ANKRD17: variants seen among roughly 807,000 people sequenced by gnomAD.
The protein encoded by ANKRD17 is ankyrin repeat domain-containing protein 17.
Under a neutral mutation model 229.7 loss-of-function variants are expected in ANKRD17, and 19 were observed. The observed-to-expected ratio is 0.08, with a 90% CI of 0.06 to 0.12. The LOEUF is 0.12. ANKRD17 is among the 10% of genes least tolerant of loss of function. The pLI, the probability that ANKRD17 is intolerant of heterozygous loss-of-function variation, is 1.00. For synonymous variants in ANKRD17, 1,112 were observed against 1,146.1 expected (o/e 0.97, Z 0.60); for missense variants, 2,176 against 3,176.8 (o/e 0.68, Z 7.57).
Position 73,179,522 on chromosome 4 carries a change from T to A in ANKRD17, c.394-1989A>T, listed in dbSNP as rs866130442. 7.3e-3 allele frequency among the ~76,000 whole-genome samples: 786 copies of A among 107,962 alleles called. 6 individuals carry two copies. Among genetic ancestry groups the A allele is most frequent in the African/African-American group, 0.025 (616 of 24,830 alleles). The allele number at this position is 107,962 out of a possible 152,430, so 70.8% of individuals were successfully genotyped here. A position where few individuals can be genotyped will look rare whatever the true frequency, so the allele number is the denominator to read the frequency against. On this transcript the variant is annotated intron_variant, in intron 1 of 33. Transcript: ENST00000358602. ...TATATATATATATATATATATATTT[T>A]TTTTTTTTTTTTTAAAGAGACATGG... is the stretch of plus-strand genomic sequence containing the variant.
At chr4:73,247,230 TTTTG>T (rs1460134210) in intron 1 of ANKRD17, among the ~76,000 whole-genome samples, 1 of 152,094 alleles carries the variant, frequency 6.6e-6, no homozygotes, top group East Asian at 1.9e-4. Context: ...AAACACCATT[TTTTG>T]TTTAACAGAT....
At chr4:73,134,553 C>T (rs1728642222) in intron 16 of ANKRD17, among the ~76,000 whole-genome samples, 1 of 152,126 alleles carries the variant, frequency 6.6e-6, no homozygotes, top group Non-Finnish European at 1.5e-5. Flanking sequence ...AGCTCTCAAA[C>T]TTTCTAAAGC....
intron 1 of ANKRD17, among the ~76,000 whole-genome samples, chr4:73,234,602 C>A (rs916021260): frequency 2.6e-5 from 4 of 152,180 alleles, no homozygotes; most frequent in African/African-American, 7.2e-5. Flanking sequence ...AGGTAGGGCA[C>A]GCGTATACGC....
At chr4:73,159,862 T>C (rs1296496825) in intron 3 of ANKRD17, among the ~76,000 whole-genome samples, 1 of 152,128 alleles carries the variant, frequency 6.6e-6, no homozygotes, top group Non-Finnish European at 1.5e-5. Flanking sequence ...TAAAGCAAGT[T>C]AATACAAACA....
In ANKRD17 at chr4:73,125,020, C is replaced by T; in HGVS notation, c.3385G>A (p.Val1129Ile). The T allele has an allele frequency of 6.2e-7, 1 of 1,614,194 alleles. No homozygotes were observed. Among genetic ancestry groups the T allele is most frequent in the Non-Finnish European group, 8.5e-7 (1 of 1,180,038 alleles). Reference protein sequence around the residue: ...PLILAATAGHVGVVEILLDNG... With the variant: ...PLILAATAGHIGVVEILLDNG... ...TCCAGCAATATTTCCACAACACCAA[C>T]ATGACCAGCTGTGGCAGCCAAGATG... The change falls in exon 18 of 34, where the codon GTT (valine) becomes ATT (isoleucine). Residue 1129 changes from valine (V) to isoleucine (I), a missense_variant. Val to Ile is a conservative substitution (Grantham distance 29). Transcript: ENST00000358602.
At chr4:73,162,935 C>G (rs948883529) in intron 2 of ANKRD17, among the ~76,000 whole-genome samples, 1 of 151,994 alleles carries the variant, frequency 6.6e-6, no homozygotes, top group Admixed American at 6.6e-5. Flanking sequence ...TCATGGTTCA[C>G]TGCAGCCTCG....
At chr4:73,174,836 A>T (rs1734519491) in intron 2 of ANKRD17, among the ~76,000 whole-genome samples, 1 of 152,218 alleles carries the variant, frequency 6.6e-6, no homozygotes, top group Admixed American at 6.5e-5. Flanking sequence ...CTACAAATAA[A>T]ATAAAATACC....
At chr4:73,089,378 G>A (rs1242811853) in intron 29 of ANKRD17, among the ~76,000 whole-genome samples, 1 of 152,012 alleles carries the variant, frequency 6.6e-6, no homozygotes, top group Non-Finnish European at 1.5e-5. Context: ...TTTAAGAAAT[G>A]TAAAAACAGG....
intron 1 of ANKRD17, among the ~76,000 whole-genome samples, chr4:73,228,050 GA>G (rs1421538422): frequency 2.0e-5 from 3 of 151,492 alleles, no homozygotes; most frequent in Non-Finnish European, 4.4e-5. Flanking sequence ...TAAACTACTA[GA>G]AAAAAAACTA....
Position 73,091,912 on chromosome 4 carries a change from G to C in ANKRD17, c.5716C>G (p.Pro1906Ala). ...AAQTFQQIRP[P>A]RLPMTHFGGT... is the part of the protein sequence containing the mutation. ...CCAAAGTGGGTCATGGGCAACCTTG[G>C]TGGACGGATCTGCTGGAAAGTCTGA... The change falls in exon 29 of 34, where the codon CCA becomes GCA. Residue 1906 changes from proline (P) to alanine (A), a missense_variant. By Grantham distance (27) the Pro-to-Ala change is conservative. Transcript: ENST00000358602. 8 of 1,614,200 alleles carry C rather than the reference G, an allele frequency of 5.0e-6. No individual in the cohort carries two copies. The highest frequency in any genetic ancestry group is 6.8e-6 in the Non-Finnish European group (8 of 1,180,038).
chr4:73,216,073 C>T lies in ANKRD17; in HGVS notation c.394-38540G>A, dbSNP rs77693439. Among the ~76,000 whole-genome samples the T allele has an allele frequency of 1.9e-3, 287 of 152,162 alleles. 1 individual carries two copies. The highest frequency in any genetic ancestry group is 6.6e-3 in the African/African-American group (275 of 41,500). ...CCTGGGCAACGTAATGAGACCTCAA[C>T]TCTAAAATAAAAGTTAAATTAAATT... On this transcript the variant is annotated intron_variant, in intron 1 of 33. Coordinates refer to ENST00000358602, the MANE Select transcript of ANKRD17 (RefSeq NM_032217.5).
intron 1 of ANKRD17, among the ~76,000 whole-genome samples, chr4:73,220,578 T>C (rs909463337): frequency 1.3e-5 from 2 of 152,126 alleles, no homozygotes; most frequent in African/African-American, 4.8e-5. Context: ...AGGTAAGCCA[T>C]AGTATTATGA....
chr4:73,128,343 G>A (rs1213685764), intron 16 of ANKRD17, among the ~76,000 whole-genome samples: 2 of 152,158 alleles, frequency 1.3e-5, no homozygotes, highest in African/African-American at 4.8e-5. Flanking sequence ...TGTGTCTTAT[G>A]TCCACTCTAC....
intron 6 of ANKRD17, among the ~76,000 whole-genome samples, chr4:73,151,827 TG>T (rs996310572): frequency 2.0e-5 from 3 of 152,150 alleles, no homozygotes; most frequent in African/African-American, 7.2e-5. Flanking sequence ...AGCCCAGGCA[TG>T]TTATATAGTT....
At position 73,086,919 on chromosome 4, in the gene ANKRD17, AATATATATATATATATAT is replaced by A. The variant is rs61024099; in HGVS notation, c.6962-1491_6962-1474del. 2.2e-3 allele frequency among the ~76,000 whole-genome samples: 28 copies of A among 12,464 alleles called. 2 individuals are homozygous for A. Among genetic ancestry groups the A allele is most frequent in the East Asian group, 6.9e-3 (4 of 582 alleles). 8.2% of individuals were successfully genotyped at this position (12,464 alleles called of 152,430 possible). A position where few individuals can be genotyped will look rare whatever the true frequency, so the allele number is the denominator to read the frequency against. On this transcript the variant is annotated intron_variant, in intron 29 of 33. Transcript: ENST00000358602. The stretch of plus-strand genomic sequence containing the variant: ...TCTCAAAAAAAAAAAAAAAAAAAAA[AATATATATATATATATAT>A]ATATATATATATATATCTGTAGGAT...
At chr4:73,195,078 T>C (rs967931565) in intron 1 of ANKRD17, among the ~76,000 whole-genome samples, 2 of 152,178 alleles carry the variant, frequency 1.3e-5, no homozygotes, top group Non-Finnish European at 2.9e-5. Context: ...TTGTTATCAG[T>C]GGATGATGAA....
In ANKRD17 at chr4:73,078,346, C is replaced by T. The variant is rs144971109; in HGVS notation, c.7408+296G>A. On this transcript the variant is annotated intron_variant, in intron 31 of 33. Transcript: ENST00000358602. ...GAGCAGAGATTGTGCCGCTGCAGTC[C>T]GGCCTGGGTTACAGAGCGAGACTCC... Among the ~76,000 whole-genome samples, 671 of 151,622 alleles carry T rather than the reference C, an allele frequency of 4.4e-3. 1 individual carries two copies. The highest frequency in any genetic ancestry group is 6.9e-3 in the Non-Finnish European group (471 of 67,912).
At position 73,099,162 on chromosome 4, in the gene ANKRD17, T is replaced by G. The variant is rs1366443256; in HGVS notation, c.4574-642A>C. The G allele has an allele frequency of 4.7e-5, 32 of 676,252 alleles. No individual in the cohort carries two copies. In the Middle Eastern group the frequency reaches 1.2e-3, roughly 25 times the overall value. The allele number at this position is 676,252 out of a possible 1,614,324, so 41.9% of individuals were successfully genotyped here. Reference sequence around the variant, plus strand: ...GAGCAGTGACCGTGTGTGCTGCCTGTGCCTCACTGAAGGAGCAGCTTCCTT... The same window carrying G: ...GAGCAGTGACCGTGTGTGCTGCCTGGGCCTCACTGAAGGAGCAGCTTCCTT... On this transcript the variant is annotated intron_variant, in intron 25 of 33. Coordinates refer to ENST00000358602, the MANE Select transcript of ANKRD17 (RefSeq NM_032217.5).
chr4:73,167,748 G>A (rs1428060392), intron 2 of ANKRD17, among the ~76,000 whole-genome samples: 2 of 152,156 alleles, frequency 1.3e-5, no homozygotes, highest in Non-Finnish European at 1.5e-5. Flanking sequence ...AGACAGGACC[G>A]TGCACATGCC....
Sources: gnomAD v4.1 joint callset for allele counts (sites outside exome capture counted in the v4.1 genomes callset) on GRCh38, gnomAD v4.1.1 for gene constraint, MANE v1.5 for transcripts, NCBI Gene and HGNC (gene_info 2026-07-23, HGNC 2026-07-21) for gene names.